Variants in RTKN2 observed in about 807,000 individuals in gnomAD.
RTKN2 encodes the protein rhotekin-2.
Under a neutral mutation model 71.5 loss-of-function variants are expected in RTKN2, and 69 were observed. That is an observed-to-expected ratio of 0.96 (90% CI 0.79 to 1.18). The LOEUF (loss-of-function observed/expected upper bound fraction) is 1.18, where lower values mean the gene tolerates loss of function less well. RTKN2 is among the 50% of genes most tolerant of loss of function. The pLI, the probability that RTKN2 is intolerant of heterozygous loss-of-function variation, is 0.00. For missense variants in RTKN2, 724 were observed against 719.7 expected (o/e 1.01, Z -0.07); for synonymous variants, 236 against 236.5 (o/e 1.00, Z 0.02).
intron 3 of RTKN2, 27 bp from the exon 4 acceptor site, chr10:62,241,222 A>G: frequency 6.9e-7 from 1 of 1,457,408 alleles, no homozygotes; most frequent in Non-Finnish European, 9.5e-7. Context: ...AAGAAATGAC[A>G]AGTAATAATT....
At chr10:62,201,050 T>A (rs779945149) in intron 10 of RTKN2, among the ~76,000 whole-genome samples, 1 of 152,188 alleles carries the variant, frequency 6.6e-6, no homozygotes, top group East Asian at 1.9e-4. Flanking sequence ...GCATGCTGGA[T>A]AGCAACTATG....
intron 7 of RTKN2, among the ~76,000 whole-genome samples, chr10:62,220,273 T>C (rs1296735461): frequency 1.3e-5 from 2 of 152,228 alleles, no homozygotes; most frequent in Admixed American, 1.3e-4. Flanking sequence ...AAAGCTGCTA[T>C]ATTTTAGAAA....
chr10:62,267,202 G>A (rs1164151634), intron 1 of RTKN2, among the ~76,000 whole-genome samples: 9 of 152,056 alleles, frequency 5.9e-5, no homozygotes, highest in Non-Finnish European at 2.9e-5. Context: ...ATTTTGTCCT[G>A]CCTAAGAAAT....
At chr10:62,255,672 G>C (rs1842661325) in intron 2 of RTKN2, among the ~76,000 whole-genome samples, 1 of 152,172 alleles carries the variant, frequency 6.6e-6, no homozygotes, top group Non-Finnish European at 1.5e-5. Flanking sequence ...TTGGATAACA[G>C]AATAGTCACC....
chr10:62,239,582 G>T, intron 5 of RTKN2, 66 bp downstream of exon 5: 3 of 688,930 alleles, frequency 4.4e-6, no homozygotes, highest in Non-Finnish European at 7.2e-6. Flanking sequence ...CCAATAATAA[G>T]AACTTTCTTT....
At chr10:62,191,153 G>C (rs1193988433), downstream of RTKN2, among the ~76,000 whole-genome samples, 2 of 151,674 alleles carry the variant, frequency 1.3e-5, no homozygotes, top group African/African-American at 4.9e-5. Context: ...TTAGTTTTTT[G>C]AGGCAGGGTC....
intron 3 of RTKN2, 91 bp from the exon 4 acceptor site, chr10:62,241,286 C>G (rs1842369186): frequency 1.4e-6 from 1 of 710,482 alleles, no homozygotes; most frequent in Non-Finnish European, 2.5e-6. Flanking sequence ...CATAATAATT[C>G]TGACTACTAT....
chr10:62,200,296 GAGGTTACA>G (rs2132806232), intron 10 of RTKN2, among the ~76,000 whole-genome samples: 2 of 131,446 alleles, frequency 1.5e-5, no homozygotes, highest in South Asian at 4.9e-4. Flanking sequence ...TTGGGAGGCA[GAGGTTACA>G]ATGAGCCGAG....
At chr10:62,213,847 AAGTT>A (rs1418516181) in intron 9 of RTKN2, among the ~76,000 whole-genome samples, 1 of 152,096 alleles carries the variant, frequency 6.6e-6, no homozygotes, top group Non-Finnish European at 1.5e-5. Context: ...ATCATTTTGT[AAGTT>A]AAGAAAAAAC....
intron 6 of RTKN2, among the ~76,000 whole-genome samples, chr10:62,224,526 C>T (rs185463127): frequency 1.3e-5 from 2 of 151,710 alleles, no homozygotes; most frequent in African/African-American, 4.8e-5. Flanking sequence ...AAGTCCAATG[C>T]TAGGTGATGG....
Position 62,193,444 on chromosome 10 carries a change from T to G in RTKN2, c.*4464A>C. ...AAAGAAAAATGTTTGTTAAAATTTC[T>G]GTAACTTTTTTTGTTGTTAATTGAA... On this transcript the variant is annotated 3_prime_UTR_variant, in exon 12 of 12. Coordinates refer to ENST00000373789, the MANE Select transcript of RTKN2 (RefSeq NM_145307.4). 1.0e-6 allele frequency: 1 copy of G among 982,310 alleles called. No individual in the cohort carries two copies. Among genetic ancestry groups the G allele is most frequent in the Non-Finnish European group, 1.2e-6 (1 of 827,080 alleles). 60.8% of individuals were successfully genotyped at this position (982,310 alleles called of 1,614,324 possible).
chr10:62,230,972 T>C (rs1009142303), intron 6 of RTKN2, among the ~76,000 whole-genome samples: 1 of 152,238 alleles, frequency 6.6e-6, no homozygotes, highest in Admixed American at 6.6e-5. Context: ...ATTAATTATA[T>C]ATAATAGTTG....
intron 6 of RTKN2, 25 bp downstream of exon 6, chr10:62,236,041 C>T: frequency 6.9e-7 from 1 of 1,454,822 alleles, no homozygotes; most frequent in East Asian, 2.3e-5. Context: ...ATTATGTCAC[C>T]ATAAATACAG....
At chr10:62,252,605 A>C (rs1179893350) in intron 2 of RTKN2, among the ~76,000 whole-genome samples, 1 of 151,976 alleles carries the variant, frequency 6.6e-6, no homozygotes, top group Non-Finnish European at 1.5e-5. Flanking sequence ...GAAATAACAC[A>C]ACTTGAAAAA....
At chr10:62,217,279 C>T in intron 8 of RTKN2, 30 bp from the exon 9 acceptor site, 2 of 1,434,782 alleles carry the variant, frequency 1.4e-6, no homozygotes, top group Non-Finnish European at 1.9e-6. Flanking sequence ...AATCAAGAGA[C>T]TATCAATTTT....
intron 6 of RTKN2, among the ~76,000 whole-genome samples, chr10:62,228,863 A>G (rs796959807): frequency 1.1e-4 from 16 of 152,354 alleles, no homozygotes; most frequent in African/African-American, 3.6e-4. Context: ...CAGTAATACC[A>G]ATGACATATG....
Position 62,262,634 on chromosome 10 carries a change from G to T in RTKN2, c.248C>A (p.Thr83Asn). 1 of 1,600,124 alleles carries T rather than the reference G, an allele frequency of 6.2e-7. No homozygotes were observed. Among genetic ancestry groups the T allele is most frequent in the Non-Finnish European group, 8.5e-7 (1 of 1,171,204 alleles). The change falls in exon 2 of 12, where the codon ACT becomes AAT. Residue 83 changes from threonine to asparagine, a missense_variant. Transcript: ENST00000373789. ...QKLEEQIANQ[T>N]GRCDVKFESK... ...AAACTATGTTACTAACCATCTTCCAGTCTGATTTGCAATCTGTTCTTCTAA... is the reference window on the plus strand; with the variant it reads ...AAACTATGTTACTAACCATCTTCCATTCTGATTTGCAATCTGTTCTTCTAA...
intron 9 of RTKN2, among the ~76,000 whole-genome samples, chr10:62,210,750 G>T (rs933872348): frequency 6.6e-6 from 1 of 152,036 alleles, no homozygotes; most frequent in Non-Finnish European, 1.5e-5. Context: ...GGTATGATTA[G>T]TATCAGTTTA....
At chr10:62,211,522 C>A (rs1841657854) in intron 9 of RTKN2, among the ~76,000 whole-genome samples, 1 of 151,940 alleles carries the variant, frequency 6.6e-6, no homozygotes, top group African/African-American at 2.4e-5. Context: ...TTTTAAGTAG[C>A]ATTAAGGAAA....
Sources: gnomAD v4.1 joint callset for allele counts (sites outside exome capture counted in the v4.1 genomes callset) on GRCh38, gnomAD v4.1.1 for gene constraint, MANE v1.5 for transcripts, NCBI Gene and HGNC (gene_info 2026-07-23, HGNC 2026-07-21) for gene names.